Variants in MAPK8IP2 observed in about 807,000 individuals in gnomAD.
MAPK8IP2 encodes the protein mitogen-activated protein kinase 8 interacting protein 2.
A neutral mutation model predicts 75.6 loss-of-function variants in MAPK8IP2; 15 were observed. The observed-to-expected ratio is 0.20, with a 90% CI of 0.13 to 0.31. The LOEUF is 0.31. Ranked by LOEUF, MAPK8IP2 falls within the 10% of genes least tolerant of loss-of-function variation. MAPK8IP2 has a pLI of 1.00. For synonymous variants in MAPK8IP2, 632 were observed against 554.5 expected (o/e 1.14, Z -1.96); for missense variants, 1,089 against 1,211.2 (o/e 0.90, Z 1.50).
rs57374455 is a variant in MAPK8IP2 at position 50,606,372 on chromosome 22, G to GTCCTTCAA, written c.2125-286_2125-285insTCCTTCAA. Among the ~76,000 whole-genome samples the GTCCTTCAA allele has an allele frequency of 4.6e-5, 7 of 151,872 alleles. No homozygotes were observed. The East Asian group carries it at 1.4e-3, about 30-fold the overall frequency. ...TAGGGAGCAGGGCAGAGCAGCCCAG[G>GTCCTTCAA]GCGGGTGAGGTCTCTGTTCCTGGCT... On this transcript the variant is annotated intron_variant, in intron 8 of 11. Coordinates refer to ENST00000329492, the MANE Select transcript of MAPK8IP2 (RefSeq NM_012324.6).
In MAPK8IP2 at chr22:50,610,352, G is replaced by A. The variant is rs2071128172; in HGVS notation, c.2402+42G>A. The A allele has an allele frequency of 2.0e-6, 3 of 1,527,836 alleles. No individual in the cohort carries two copies. The South Asian group carries it at 3.5e-5, about 18-fold the overall frequency. The allele number at this position is 1,527,836 out of a possible 1,614,324, so 94.6% of individuals were successfully genotyped here. The stretch of plus-strand genomic sequence containing the variant: ...GGTGTGGGTGCAGAATGGGTGCAGG[G>A]TTACGGAGGTGGGGAGCGGAGGTGA... On this transcript the variant is annotated intron_variant, in intron 11 of 11. Coordinates refer to ENST00000329492, the MANE Select transcript of MAPK8IP2 (RefSeq NM_012324.6). The surrounding 1 kb of genome is among the most constrained non-coding windows in gnomAD (Gnocchi z 4.3).
rs1393360627 is a variant in MAPK8IP2 at position 50,604,379 on chromosome 22, C to T, written c.1080C>T (p.Ser360=). ...GCAACCTGGTGAGCCGCATGATCTC[C>T]GAGGGCTCCTCGCCCATCCGCTGCC... ...LLSNLVSRMI[S]EGSSPIRCPG... is the part of the protein sequence containing the mutation. Residue 360 remains serine, a synonymous_variant, in exon 5 of 12, where the codon TCC becomes TCT. Transcript: ENST00000329492. 5 of 1,529,972 alleles carry T rather than the reference C, an allele frequency of 3.3e-6. No homozygotes were observed. Among genetic ancestry groups the T allele is most frequent in the Non-Finnish European group, 3.5e-6 (4 of 1,144,434 alleles). 94.8% of individuals were successfully genotyped at this position (1,529,972 alleles called of 1,614,324 possible). A position where few individuals can be genotyped will look rare whatever the true frequency, so the allele number is the denominator to read the frequency against.
chr22:50,607,009 C>CTCGGTCAGTCAGA lies in MAPK8IP2; in HGVS notation c.2303+18_2303+19insTCGGTCAGTCAGA. 1 of 1,606,438 alleles carries CTCGGTCAGTCAGA rather than the reference C, an allele frequency of 6.2e-7. No individual in the cohort carries two copies. The stretch of plus-strand genomic sequence containing the variant: ...AACAGCTGGTGAGAGTCTGACCGTC[C>CTCGGTCAGTCAGA]CCGAGTCCCCCAACCGCCCCCACAA... On this transcript the variant is annotated intron_variant, in intron 10 of 11. Transcript: ENST00000329492. The surrounding 1 kb of genome is among the most constrained non-coding windows in gnomAD (Gnocchi z 5.6).
intron 8 of MAPK8IP2, 93 bp downstream of exon 8, chr22:50,606,027 C>T: frequency 9.6e-7 from 1 of 1,046,790 alleles, no homozygotes; most frequent in Non-Finnish European, 1.4e-6. Context: ...GCTCCAAGGT[C>T]TGAGGTCTGA....
rs748471600 is a variant in MAPK8IP2 at position 50,604,895 on chromosome 22, G to A, written c.1596G>A (p.Leu532=). The A allele has an allele frequency of 2.8e-5, 45 of 1,609,216 alleles. No homozygotes were observed. The highest frequency in any genetic ancestry group is 3.6e-5 in the Non-Finnish European group (43 of 1,178,652). ...ELVSLRRCAG[L]GHDSEEDSGG... ...TGAGCCTGCGGCGCTGTGCTGGGCT[G>A]GGCCACGACAGCGAAGAGGACAGCG... Residue 532 remains leucine, a synonymous_variant, in exon 5 of 12, where the codon CTG becomes CTA. Transcript: ENST00000329492.
rs2146681243 is a variant in MAPK8IP2 at position 50,603,884 on chromosome 22, G to T, written c.585G>T (p.Gly195=). ...CTGCCACGGACACCGGGCCCGGCGGGGCGCAGTCGCCAGTGCGCCCGGGTT... is the reference window on the plus strand; with the variant it reads ...CTGCCACGGACACCGGGCCCGGCGGTGCGCAGTCGCCAGTGCGCCCGGGTT... ...PLPATDTGPG[G]AQSPVRPGCD... Residue 195 remains glycine, a synonymous_variant, in exon 5 of 12, where the codon GGG becomes GGT. Transcript: ENST00000329492. 2.0e-6 allele frequency: 3 copies of T among 1,535,236 alleles called. No individual in the cohort carries two copies. Among genetic ancestry groups the T allele is most frequent in the East Asian group, 2.5e-5 (1 of 40,636 alleles).
In MAPK8IP2 at chr22:50,610,327, G is replaced by C. The variant is rs766734688; in HGVS notation, c.2402+17G>C. The C allele has an allele frequency of 1.3e-6, 2 of 1,585,170 alleles. No individual in the cohort carries two copies. Among genetic ancestry groups the C allele is most frequent in the African/African-American group, 1.3e-5 (1 of 74,438 alleles). ...GAGTGTGGGGTGAGTGGGGCCCCAG[G>C]GTGTGGGTGCAGAATGGGTGCAGGG... On this transcript the variant is annotated intron_variant, in intron 11 of 11. Transcript: ENST00000329492. The surrounding 1 kb of genome is among the most constrained non-coding windows in gnomAD (Gnocchi z 4.3).
At chr22:50,606,418 CT>C (rs2071051218) in intron 8 of MAPK8IP2, among the ~76,000 whole-genome samples, 1 of 152,272 alleles carries the variant, frequency 6.6e-6, no homozygotes, top group African/African-American at 2.4e-5. Flanking sequence ...GCGCAGCAGC[CT>C]GCCTGGAGGA....
chr22:50,610,729 C>G lies in MAPK8IP2; in HGVS notation c.2425C>G (p.Gln809Glu). 1 of 1,610,536 alleles carries G rather than the reference C, an allele frequency of 6.2e-7. No homozygotes were observed. Among genetic ancestry groups the G allele is most frequent in the Non-Finnish European group, 8.5e-7 (1 of 1,178,762 alleles). Residue 809 changes from glutamine (Q) to glutamate (E), a missense_variant, in exon 12 of 12, where the codon CAA (glutamine) becomes GAA (glutamate). Physicochemically the swap from Gln to Glu is conservative, Grantham distance 29 (BLOSUM62 2). Coordinates refer to ENST00000329492, the MANE Select transcript of MAPK8IP2 (RefSeq NM_012324.6). The surrounding 1 kb of genome is among the most constrained non-coding windows in gnomAD (Gnocchi z 4.3). Reference protein sequence around the residue: ...SVGRAFLEYYQEHLAYACPTE... With the variant: ...SVGRAFLEYYEEHLAYACPTE... ...CAGCCGCGCCTTCCTGGAGTACTAC[C>G]AAGAGCACCTGGCGTACGCCTGCCC... is the stretch of plus-strand genomic sequence containing the variant.
In MAPK8IP2 at chr22:50,604,269, C is replaced by A; in HGVS notation, c.970C>A (p.Pro324Thr). The A allele has an allele frequency of 1.3e-6, 2 of 1,569,186 alleles. No individual in the cohort carries two copies. The highest frequency in any genetic ancestry group is 2.3e-5 in the East Asian group (1 of 43,074). ...CCGCCCCGCCTTCCTGCCCGTGGGC[C>A]CCGACGACACCAACAGCGAGTACGA... ...PRRPAFLPVGPDDTNSEYESG... is the reference protein window; with the variant it reads ...PRRPAFLPVGTDDTNSEYESG... The change falls in exon 5 of 12, where the codon CCC (proline) becomes ACC (threonine). Residue 324 changes from proline to threonine, a missense_variant. By Grantham distance (38) the Pro-to-Thr change is conservative (BLOSUM62 -1). Coordinates refer to ENST00000329492, the MANE Select transcript of MAPK8IP2 (RefSeq NM_012324.6).
rs1369076726 is a variant in MAPK8IP2, at chr22:50,604,530, A to G, written c.1231A>G (p.Met411Val). Residue 411 changes from methionine to valine, a missense_variant, in exon 5 of 12, where the codon ATG becomes GTG. Physicochemically the swap from Met to Val is conservative, Grantham distance 21. Transcript: ENST00000329492. ...GCCCGGCGGCGTGGAGCTGGTGGAC[A>G]TGGAGACGCTGTGCGCGCCGCCGCC... ...AGPGGVELVD[M>V]ETLCAPPPPA... 3.0e-5 allele frequency: 36 copies of G among 1,186,024 alleles called. No individual in the cohort carries two copies. Among genetic ancestry groups the G allele is most frequent in the Non-Finnish European group, 2.7e-5 (26 of 962,596 alleles). 73.5% of individuals were successfully genotyped at this position (1,186,024 alleles called of 1,614,324 possible).
chr22:50,609,725 A>G (rs1217003688), intron 10 of MAPK8IP2: 4 of 511,532 alleles, frequency 7.8e-6, no homozygotes, highest in Non-Finnish European at 1.6e-5. Context: ...GAGGCCCCGC[A>G]AGGAGCTGCT....
Position 50,604,798 on chromosome 22 carries a change from G to A in MAPK8IP2, c.1499G>A (p.Arg500Gln), listed in dbSNP as rs2071016169. The A allele has an allele frequency of 1.9e-6, 3 of 1,548,954 alleles. No homozygotes were observed. The Admixed American group carries it at 5.9e-5, about 30-fold the overall frequency. ...GGRGTGPSAP[R>Q]DASLVYDAVK... ...AGGGGCACGGGCCCCTCGGCGCCGC[G>A]GGACGCGTCGCTGGTGTACGACGCG... Residue 500 changes from arginine to glutamine, a missense_variant, in exon 5 of 12, where the codon CGG (arginine) becomes CAG (glutamine). This residue lies in a region of MAPK8IP2 where 960 missense variants were observed against 1,009.6 expected (regional missense o/e 0.95). Transcript: ENST00000329492.
chr22:50,605,602 G>T lies in MAPK8IP2; in HGVS notation c.1882G>T (p.Asp628Tyr). 2 of 1,605,902 alleles carry T rather than the reference G, an allele frequency of 1.2e-6. No individual in the cohort carries two copies. The highest frequency in any genetic ancestry group is 1.1e-5 in the South Asian group (1 of 89,850). The stretch of plus-strand genomic sequence containing the variant: ...TCCAGACGAGCTGGAGCTGGATGTG[G>T]ATGACCCTGTGTTGGTGGAGGCCGA... ...RHPDELELDV[D>Y]DPVLVEAEED... The change falls in exon 7 of 12, where the codon GAT becomes TAT. Residue 628 changes from aspartate (D) to tyrosine (Y), a missense_variant. Asp to Tyr is a radical substitution (Grantham distance 160, BLOSUM62 -3). Around this residue, in one of 2 missense-constraint regions of MAPK8IP2, gnomAD observed 960 missense variants for 1,009.6 expected, o/e 0.95. Transcript: ENST00000329492.
rs2071061620 is a variant in MAPK8IP2, at chr22:50,606,899, C to T, written c.2233-22C>T. The T allele has an allele frequency of 2.5e-6, 4 of 1,612,876 alleles. No homozygotes were observed. The African/African-American group carries it at 5.3e-5, about 22-fold the overall frequency. On this transcript the variant is annotated intron_variant, in intron 9 of 11. Transcript: ENST00000329492. ...CGCCAGGCCTCCTTTGACACAGGGA[C>T]TTCTGCCCACCTCTGCTCTAGTTCC... is the stretch of plus-strand genomic sequence containing the variant.
chr22:50,603,948 C>T lies in MAPK8IP2; in HGVS notation c.649C>T (p.Pro217Ser). ...GAACCGGCCTGCGGAACCCCCTGCG[C>T]CAGGGGGGACTTCGCCCTCCTCAGA... ...EGNRPAEPPA[P>S]GGTSPSSDPG... Residue 217 changes from proline to serine, a missense_variant, in exon 5 of 12, where the codon CCA (proline) becomes TCA (serine). Around this residue, in one of 2 missense-constraint regions of MAPK8IP2, gnomAD observed 960 missense variants for 1,009.6 expected, o/e 0.95. Coordinates refer to ENST00000329492, the MANE Select transcript of MAPK8IP2 (RefSeq NM_012324.6). 6.5e-7 allele frequency: 1 copy of T among 1,545,816 alleles called. No homozygotes were observed. The highest frequency in any genetic ancestry group is 8.7e-7 in the Non-Finnish European group (1 of 1,150,744).
intron 1 of MAPK8IP2, 190 bp from the exon 2 acceptor site, chr22:50,601,599 A>G: frequency 1.8e-6 from 1 of 567,854 alleles, no homozygotes; most frequent in African/African-American, 1.9e-5. Flanking sequence ...GGCCTGGCTC[A>G]GATGGGGGAG....
In MAPK8IP2 at chr22:50,604,246, G is replaced by A. The variant is rs770276369; in HGVS notation, c.947G>A (p.Arg316His). The A allele has an allele frequency of 2.6e-6, 4 of 1,564,514 alleles. No homozygotes were observed. Among genetic ancestry groups the A allele is most frequent in the African/African-American group, 1.4e-5 (1 of 73,782 alleles). Residue 316 changes from arginine to histidine, a missense_variant, in exon 5 of 12, where the codon CGC (arginine) becomes CAC (histidine). Coordinates refer to ENST00000329492, the MANE Select transcript of MAPK8IP2 (RefSeq NM_012324.6). The stretch of plus-strand genomic sequence containing the variant: ...GAGCCCCCGCGCGAACCCCCGCGCC[G>A]CCCCGCCTTCCTGCCCGTGGGCCCC... ...EPEPPREPPRRPAFLPVGPDD... is the reference protein window; with the variant it reads ...EPEPPREPPRHPAFLPVGPDD...
At position 50,610,384 on chromosome 22, in the gene MAPK8IP2, G is replaced by T. The variant is rs9616798; in HGVS notation, c.2402+74G>T. ...AGGTGGGGAGCGGAGGTGAGCAGGTGGGGGCAGGAGCCTGGCAGGGGAGGT... is the reference window on the plus strand; with the variant it reads ...AGGTGGGGAGCGGAGGTGAGCAGGTTGGGGCAGGAGCCTGGCAGGGGAGGT... On this transcript the variant is annotated intron_variant, in intron 11 of 11. Coordinates refer to ENST00000329492, the MANE Select transcript of MAPK8IP2 (RefSeq NM_012324.6). This position sits in a 1 kb window ranked among gnomAD's most constrained non-coding sequence, Gnocchi z 4.3. 3.1e-6 allele frequency: 4 copies of T among 1,294,028 alleles called. No individual in the cohort carries two copies. The highest frequency in any genetic ancestry group is 2.1e-4 in the Middle Eastern group (1 of 4,710). 80.2% of individuals were successfully genotyped at this position (1,294,028 alleles called of 1,614,324 possible).
Sources: gnomAD v4.1 joint callset for allele counts (sites outside exome capture counted in the v4.1 genomes callset) on GRCh38, gnomAD v4.1.1 for gene constraint, gnomAD v4.1.1 regional missense constraint, Gnocchi (gnomAD v3.1) non-coding constraint, MANE v1.5 for transcripts, NCBI Gene and HGNC (gene_info 2026-07-23, HGNC 2026-07-21) for gene names.